Variants in YAE1 observed in about 807,000 individuals in gnomAD.
YAE1 encodes the protein YAE1 maturation factor of ABCE1, also known as protein YAE1 homolog.
In YAE1, 22 loss-of-function variants were observed where a neutral mutation model predicts 23.0. That is an observed-to-expected ratio of 0.96 (90% confidence interval 0.68 to 1.37). YAE1 has a LOEUF of 1.37. Ranked by LOEUF, YAE1 falls within the 40% of genes most tolerant of loss-of-function variation. The pLI, the probability that YAE1 is intolerant of heterozygous loss-of-function variation, is 0.00. For synonymous variants in YAE1, 101 were observed against 97.0 expected, an observed-to-expected ratio of 1.04 and a Z score of -0.24; for missense variants, 260 against 262.1, an observed-to-expected ratio of 0.99 and a Z score of 0.06.
downstream of YAE1, among the ~76,000 whole-genome samples, chr7:39,611,151 GA>G (rs367630257): frequency 0.084 from 11,234 of 133,722 alleles, 418 homozygotes; most frequent in East Asian, 0.12. Flanking sequence ...CCATCTCAAA[GA>G]AAAAAAAAAA....
intron 2 of YAE1, among the ~76,000 whole-genome samples, chr7:39,579,787 A>C (rs1417709699): frequency 6.6e-6 from 1 of 152,160 alleles, no homozygotes; most frequent in East Asian, 1.9e-4. Flanking sequence ...TCACACCTAC[A>C]ATCGCAGCAC....
At chr7:39,600,191 A>G (rs1440439090) in intron 2 of YAE1, among the ~76,000 whole-genome samples, 1 of 152,206 alleles carries the variant, frequency 6.6e-6, no homozygotes, top group African/African-American at 2.4e-5. Context: ...AACCACTAAT[A>G]TAAAACATAA....
chr7:39,602,270 AT>A (rs2115844726), intron 2 of YAE1, among the ~76,000 whole-genome samples: 1 of 152,352 alleles, frequency 6.6e-6, no homozygotes, highest in South Asian at 2.1e-4. Context: ...CAAACTGTTA[AT>A]GCTAGAAAGG....
intron 2 of YAE1, among the ~76,000 whole-genome samples, chr7:39,603,047 T>C (rs1049661103): frequency 6.6e-6 from 1 of 152,122 alleles, no homozygotes; most frequent in African/African-American, 2.4e-5. Context: ...CTGTGCTAGG[T>C]CTAAATTTCA....
At chr7:39,580,425 T>C (rs1790723713) in intron 2 of YAE1, among the ~76,000 whole-genome samples, 1 of 152,246 alleles carries the variant, frequency 6.6e-6, no homozygotes, top group Admixed American at 6.5e-5. Context: ...AATAGTCTGC[T>C]CTTTCCAAAA....
intron 2 of YAE1, among the ~76,000 whole-genome samples, chr7:39,591,788 C>T (rs1193068774): frequency 6.6e-6 from 1 of 152,206 alleles, no homozygotes; most frequent in Non-Finnish European, 1.5e-5. Context: ...TAGTATCACA[C>T]AGAGTATTTC....
intron 2 of YAE1, among the ~76,000 whole-genome samples, chr7:39,578,775 A>G (rs1790697827): frequency 1.3e-5 from 2 of 152,238 alleles, no homozygotes; most frequent in African/African-American, 4.8e-5. Flanking sequence ...TTCATTCTTG[A>G]AGTCAGTGAG....
exon 3 of YAE1, chr7:39,609,625 C>G: frequency 6.5e-7 from 1 of 1,534,368 alleles, no homozygotes; most frequent in Non-Finnish European, 8.7e-7. Context: ...AGGAACTCAA[C>G]GGATTGGAGC....
At chr7:39,569,799 C>T (rs921415016) in intron 1 of YAE1, 11 of 751,980 alleles carry the variant, frequency 1.5e-5, no homozygotes, top group Non-Finnish European at 2.6e-5. Context: ...GGGTTCAATA[C>T]TCTTCCACTC....
At chr7:39,568,576 T>A (rs1482234010) in intron 1 of YAE1, among the ~76,000 whole-genome samples, 1 of 152,186 alleles carries the variant, frequency 6.6e-6, no homozygotes, top group Non-Finnish European at 1.5e-5. Flanking sequence ...AAATTTTAAA[T>A]TATCAACAGA....
intron 2 of YAE1, among the ~76,000 whole-genome samples, chr7:39,585,125 CTG>C (rs1011549043): frequency 5.3e-5 from 8 of 152,194 alleles, no homozygotes; most frequent in Admixed American, 5.2e-4. Flanking sequence ...GTATCTCAGG[CTG>C]TGCTTCAGTT....
rs781159443 is a variant in YAE1 at position 39,570,079 on chromosome 7, T to C, written c.130-427T>C. The C allele has an allele frequency of 1.4e-4, 169 of 1,186,258 alleles. 5 individuals carry two copies. In the Middle Eastern group the frequency reaches 1.8e-3, roughly 12 times the overall value. 73.5% of individuals were successfully genotyped at this position (1,186,258 alleles called of 1,614,324 possible). A position where few individuals can be genotyped will look rare whatever the true frequency, so the allele number is the denominator to read the frequency against. ...TCATCCAGCCTCCTTCCAGCAGCTCTCTCCAGTTCTTGTCTGTGATGATGC... is the reference window on the plus strand; with the variant it reads ...TCATCCAGCCTCCTTCCAGCAGCTCCCTCCAGTTCTTGTCTGTGATGATGC... On this transcript the variant is annotated intron_variant, in intron 1 of 2. Coordinates refer to ENST00000223273, the MANE Select transcript of YAE1 (RefSeq NM_020192.5).
At chr7:39,610,297 T>C (rs558697316) in exon 3 of YAE1, 1 of 495,576 alleles carries the variant, frequency 2.0e-6, no homozygotes, top group Admixed American at 2.7e-5. Context: ...TTGTTGCAGA[T>C]CTCGGTACCA....
intron 2 of YAE1, among the ~76,000 whole-genome samples, chr7:39,600,133 C>T (rs1583683657): frequency 6.6e-6 from 1 of 152,218 alleles, no homozygotes; most frequent in East Asian, 1.9e-4. Context: ...TTTCCACTAC[C>T]TAGCATAGTG....
In YAE1 at chr7:39,572,641, ACAGC is replaced by A; in HGVS notation, c.620_623del (p.Ala207ValfsTer2). 6.2e-7 allele frequency: 1 copy of A among 1,613,830 alleles called. No individual in the cohort carries two copies. ...AAGCCCCACATGGATTTTGGAACAG[ACAGC>A]CAGTTTAGTTAAACAGCTGGGCCTA... On this transcript the variant is annotated frameshift_variant, in exon 3 of 3. Coordinates refer to ENST00000223273, the MANE Select transcript of YAE1 (RefSeq NM_020192.5). LOFTEE classifies it high-confidence loss of function.
downstream of YAE1, among the ~76,000 whole-genome samples, chr7:39,574,179 C>G (rs138514794): frequency 3.0e-3 from 456 of 152,216 alleles, 1 homozygote; most frequent in Middle Eastern, 0.014. Context: ...AAGATAACAC[C>G]CATTGCCACC....
At chr7:39,582,484 TCA>T (rs1198970190) in intron 2 of YAE1, among the ~76,000 whole-genome samples, 1 of 152,234 alleles carries the variant, frequency 6.6e-6, no homozygotes, top group Non-Finnish European at 1.5e-5. Flanking sequence ...TCATTTAAAA[TCA>T]CATTGTTTTG....
At chr7:39,598,455 A>G (rs1791009432) in intron 2 of YAE1, among the ~76,000 whole-genome samples, 1 of 151,016 alleles carries the variant, frequency 6.6e-6, no homozygotes, top group Admixed American at 6.6e-5. Context: ...GAAGAAATAA[A>G]TGAAGTTGTA....
intron 2 of YAE1, among the ~76,000 whole-genome samples, chr7:39,609,161 T>C (rs532496511): frequency 1.3e-5 from 2 of 152,278 alleles, no homozygotes; most frequent in South Asian, 2.1e-4. Context: ...AACTGTGCTG[T>C]AGACAGGAAG....
Sources: allele counts gnomAD v4.1 joint callset (sites outside exome capture counted in the v4.1 genomes callset), GRCh38; gene constraint gnomAD v4.1.1; transcripts MANE v1.5; gene names NCBI Gene and HGNC (gene_info 2026-07-23, HGNC 2026-07-21).